The following BACH2 variants were observed in gnomAD, a reference collection of about 807,000 sequenced individuals.
The protein encoded by BACH2 is transcription regulator protein BACH2.
Under a neutral mutation model 61.8 loss-of-function variants are expected in BACH2, and 5 were observed. The ratio of observed to expected loss-of-function variants is 0.08; its 90% CI spans 0.04 to 0.17. BACH2 has a LOEUF of 0.17. Among genes scored for constraint, BACH2 ranks in the 10% least tolerant of loss-of-function variants. The pLI, the probability that BACH2 is intolerant of heterozygous loss-of-function variation, is 1.00. For synonymous variants in BACH2, 446 were observed against 440.1 expected (o/e 1.01, Z -0.17); for missense variants, 824 against 1,091.1 (o/e 0.76, Z 3.45).
intron 2 of BACH2, among the ~76,000 whole-genome samples, chr6:90,260,457 C>T (rs603498): frequency 0.073 from 11,121 of 152,070 alleles, 1,301 homozygotes; most frequent in African/African-American, 0.25. Flanking sequence ...AATTTTGTGG[C>T]CTAACATATG....
At chr6:89,997,096 ACT>A (rs1170122724) in intron 6 of BACH2, among the ~76,000 whole-genome samples, 38 of 152,132 alleles carry the variant, frequency 2.5e-4, no homozygotes, top group Admixed American at 9.8e-4. Context: ...AGCATCTTAT[ACT>A]GTTACAAAAT....
rs148033413 is a variant in BACH2, at chr6:90,005,279, C to A, written c.243+3323G>T. ...AACTCTCAGGCCTGGCTGTGCTGGC[C>A]CCCTTGAGGAGCACAGCGGTTGGCT... On this transcript the variant is annotated intron_variant, in intron 6 of 8. Transcript: ENST00000257749. Among the ~76,000 whole-genome samples the A allele has an allele frequency of 1.7e-3, 254 of 152,132 alleles. 1 individual carries two copies. The highest frequency in any genetic ancestry group is 6.0e-3 in the African/African-American group (247 of 41,486).
chr6:90,190,625 A>G (rs1433698750), intron 4 of BACH2, among the ~76,000 whole-genome samples: 1 of 152,238 alleles, frequency 6.6e-6, no homozygotes, highest in African/African-American at 2.4e-5. Context: ...AGAAAACTAA[A>G]ATGCTAGAGT....
In BACH2 at chr6:90,122,719, C is replaced by T. The variant is rs766102004; in HGVS notation, c.-161-33610G>A. Among the ~76,000 whole-genome samples the T allele has an allele frequency of 3.5e-4, 54 of 152,294 alleles. 1 individual carries two copies. The South Asian group carries it at 4.8e-3, about 13-fold the overall frequency. ...TGAATGTGTTCAGAGAAAGTGTTGG[C>T]GAGGCCTGGCTCTCCCAGCCCCTCT... On this transcript the variant is annotated intron_variant, in intron 4 of 8. Coordinates refer to ENST00000257749, the MANE Select transcript of BACH2 (RefSeq NM_021813.4).
intron 1 of BACH2, 76 bp downstream of exon 1, chr6:90,296,404 G>A (rs1772391243): frequency 6.7e-6 from 1 of 149,724 alleles, no homozygotes. Flanking sequence ...CCCGCCCCGC[G>A]CGCCCGCTCC....
chr6:90,041,311 A>T (rs1430873709), intron 5 of BACH2, among the ~76,000 whole-genome samples: 1 of 151,076 alleles, frequency 6.6e-6, no homozygotes, highest in African/African-American at 2.4e-5. Context: ...ATATATAATA[A>T]TAATTTTATG....
intron 1 of BACH2, among the ~76,000 whole-genome samples, chr6:90,285,133 T>C (rs1156289644): frequency 6.6e-6 from 1 of 152,214 alleles, no homozygotes; most frequent in Non-Finnish European, 1.5e-5. Flanking sequence ...TTTCACACTT[T>C]CCGATGAAAA....
chr6:90,032,155 G>A (rs1447258291), intron 5 of BACH2, among the ~76,000 whole-genome samples: 2 of 151,990 alleles, frequency 1.3e-5, no homozygotes, highest in Non-Finnish European at 2.9e-5. Context: ...TTAGCCATAT[G>A]TAGAAAGCTG....
chr6:90,110,207 T>A (rs1043155080), intron 4 of BACH2, among the ~76,000 whole-genome samples: 1 of 152,184 alleles, frequency 6.6e-6, no homozygotes, highest in African/African-American at 2.4e-5. Context: ...GTGAAGTATT[T>A]TCATCATCTT....
At chr6:90,093,839 T>C (rs1419236530) in intron 4 of BACH2, among the ~76,000 whole-genome samples, 1 of 152,170 alleles carries the variant, frequency 6.6e-6, no homozygotes, top group Non-Finnish European at 1.5e-5. Context: ...CCTCACAAAA[T>C]CTTGAAGTAG....
intron 5 of BACH2, among the ~76,000 whole-genome samples, chr6:90,072,479 A>C (rs992641532): frequency 2.0e-5 from 3 of 152,220 alleles, no homozygotes; most frequent in African/African-American, 4.8e-5. Context: ...TAAGGCTGTT[A>C]GTCACAAACT....
At chr6:90,176,736 A>G (rs1385020832) in intron 4 of BACH2, among the ~76,000 whole-genome samples, 1 of 152,032 alleles carries the variant, frequency 6.6e-6, no homozygotes, top group Non-Finnish European at 1.5e-5. Context: ...AATTGCCCAA[A>G]CCAGATGCAA....
intron 4 of BACH2, among the ~76,000 whole-genome samples, chr6:90,184,292 C>T (rs1448676327): frequency 6.6e-6 from 1 of 152,192 alleles, no homozygotes; most frequent in Non-Finnish European, 1.5e-5. Flanking sequence ...TAGGGTCCTC[C>T]TTCCTCATGC....
At chr6:89,976,169 A>G (rs1287453684) in intron 6 of BACH2, among the ~76,000 whole-genome samples, 2 of 152,220 alleles carry the variant, frequency 1.3e-5, no homozygotes, top group Non-Finnish European at 2.9e-5. Context: ...AATCAGCTAT[A>G]ACATTACTGT....
At chr6:90,210,838 A>C (rs1470480081) in intron 3 of BACH2, among the ~76,000 whole-genome samples, 1 of 152,168 alleles carries the variant, frequency 6.6e-6, no homozygotes, top group East Asian at 1.9e-4. Context: ...AAGGTTAATG[A>C]AACATAATTT....
At chr6:90,241,095 A>G (rs1770435654) in intron 3 of BACH2, among the ~76,000 whole-genome samples, 1 of 149,028 alleles carries the variant, frequency 6.7e-6, no homozygotes, top group Non-Finnish European at 1.5e-5. Context: ...AGATCGCCCC[A>G]CTGCACTCCA....
At chr6:90,136,798 C>T (rs1225050997) in intron 4 of BACH2, among the ~76,000 whole-genome samples, 2 of 151,298 alleles carry the variant, frequency 1.3e-5, no homozygotes, top group Admixed American at 6.6e-5. Flanking sequence ...AACAGCCAGG[C>T]CCTACAATAA....
chr6:90,039,930 T>C (rs1473950332), intron 5 of BACH2, among the ~76,000 whole-genome samples: 1 of 152,174 alleles, frequency 6.6e-6, no homozygotes. Flanking sequence ...TATTGCATTG[T>C]TGGTCTTTTT....
At chr6:90,164,815 CATG>C (rs1357432829) in intron 4 of BACH2, among the ~76,000 whole-genome samples, 1 of 152,154 alleles carries the variant, frequency 6.6e-6, no homozygotes, top group African/African-American at 2.4e-5. Flanking sequence ...ACAAAAACCA[CATG>C]ATTATCTCAA....
Sources: gnomAD v4.1 joint callset for allele counts (sites outside exome capture counted in the v4.1 genomes callset) on GRCh38, gnomAD v4.1.1 for gene constraint, MANE v1.5 for transcripts, NCBI Gene and HGNC (gene_info 2026-07-23, HGNC 2026-07-21) for gene names.